The following TAFA3 variants were observed in gnomAD, a reference collection of about 807,000 sequenced individuals.
The protein encoded by TAFA3 is TAFA chemokine like family member 3.
A neutral mutation model predicts 20.7 loss-of-function variants in TAFA3; 17 were observed. That is an observed-to-expected ratio of 0.82 (90% CI 0.56 to 1.23). TAFA3 has a LOEUF of 1.23. Ranked by LOEUF, TAFA3 falls within the 50% of genes most tolerant of loss-of-function variation. The probability of loss-of-function intolerance (pLI) is 0.00; values close to 1 mark genes in which losing one functional copy is unlikely to be tolerated. For missense variants in TAFA3, 174 were observed against 172.8 expected, an observed-to-expected ratio of 1.01 and a Z score of -0.04; for synonymous variants, 74 against 71.8, an observed-to-expected ratio of 1.03 and a Z score of -0.16.
chr1:112,722,721 C>T (rs967771103), intron 3 of TAFA3, among the ~76,000 whole-genome samples: 2 of 152,218 alleles, frequency 1.3e-5, no homozygotes, highest in African/African-American at 4.8e-5. Flanking sequence ...CCCTGGGGCC[C>T]TTGCCCTCAC....
At position 112,722,228 on chromosome 1, in the gene TAFA3, C is replaced by G; in HGVS notation, c.-1-5C>G. On this transcript the variant is annotated splice_region_variant and splice_polypyrimidine_tract_variant and intron_variant, in intron 2 of 5. Transcript: ENST00000361886. ...GCTGAGCAGAATGTGTGCTTCTCTC[C>G]GCAGGATGAGTGAGAGGGTCGAGCG... 6.2e-7 allele frequency: 1 copy of G among 1,613,918 alleles called. No individual in the cohort carries two copies. The highest frequency in any genetic ancestry group is 8.5e-7 in the Non-Finnish European group (1 of 1,179,876).
chr1:112,726,830 T>C lies in TAFA3; in HGVS notation c.*190T>C, dbSNP rs190717142. The C allele has an allele frequency of 1.8e-5, 14 of 796,594 alleles. No homozygotes were observed. The African/African-American group carries it at 2.2e-4, about 13-fold the overall frequency. The allele number at this position is 796,594 out of a possible 1,614,324, so 49.3% of individuals were successfully genotyped here. ...GATGGATCTGCAATCACATACCTAA[T>C]GTGGAGCTGGGCTTTTCTGGAGACA... On this transcript the variant is annotated 3_prime_UTR_variant, in exon 6 of 6. Coordinates refer to ENST00000361886, the MANE Select transcript of TAFA3 (RefSeq NM_182759.3).
chr1:112,722,000 G>C (rs1436228413), intron 2 of TAFA3, among the ~76,000 whole-genome samples: 1 of 152,176 alleles, frequency 6.6e-6, no homozygotes, highest in Non-Finnish European at 1.5e-5. Flanking sequence ...CCCATAGCTA[G>C]TTCATCCTCC....
intron 5 of TAFA3, 142 bp from the exon 6 acceptor site, chr1:112,726,487 C>T (rs1394152078): frequency 1.2e-6 from 1 of 814,260 alleles, no homozygotes; most frequent in Non-Finnish European, 2.0e-6. Flanking sequence ...CCAGGCCATG[C>T]TTTCCCATTC....
chr1:112,724,560 C>T (rs1311226802), intron 5 of TAFA3, among the ~76,000 whole-genome samples: 1 of 139,428 alleles, frequency 7.2e-6, no homozygotes, highest in Non-Finnish European at 1.5e-5. Context: ...CGCATATTCT[C>T]ACTCATAGGT....
rs142239254 is a variant in TAFA3 at position 112,723,158 on chromosome 1, C to T, written c.258C>T (p.Cys86=). ...VAGTTRAKPS[C]VDASIVLQRW... is the part of the protein sequence containing the mutation. ...GCACCACGCGGGCAAAGCCCTCCTGCGTGGACGGTGAGTGAGAGGCCAGGA... is the reference window on the plus strand; with the variant it reads ...GCACCACGCGGGCAAAGCCCTCCTGTGTGGACGGTGAGTGAGAGGCCAGGA... Residue 86 remains cysteine, a synonymous_variant, in exon 4 of 6, where the codon TGC becomes TGT. Coordinates refer to ENST00000361886, the MANE Select transcript of TAFA3 (RefSeq NM_182759.3). 288 of 1,612,574 alleles carry T rather than the reference C, an allele frequency of 1.8e-4. 2 individuals carry two copies. In the African/African-American group the frequency reaches 3.2e-3, roughly 18 times the overall value.
At chr1:112,722,499 C>G in intron 3 of TAFA3, 151 bp downstream of exon 3, 1 of 677,548 alleles carries the variant, frequency 1.5e-6, no homozygotes. Flanking sequence ...CTGCTCTTTA[C>G]CCAGGAATCT....
chr1:112,719,295 A>C lies in TAFA3; in HGVS notation c.-64A>C, dbSNP rs897705650. On this transcript the variant is annotated 5_prime_UTR_variant, in exon 1 of 6. Coordinates refer to ENST00000361886, the MANE Select transcript of TAFA3 (RefSeq NM_182759.3). ...ATCGAACCAGTGGGCATCACCGTGG[A>C]CCAGGTAGGTCCCAGGTGTGGGGGC... Among the ~76,000 whole-genome samples, 1 of 152,176 alleles carries C rather than the reference A, an allele frequency of 6.6e-6. No homozygotes were observed. Among genetic ancestry groups the C allele is most frequent in the Non-Finnish European group, 1.5e-5 (1 of 68,024 alleles).
rs1272696539 is a variant in TAFA3 at position 112,722,147 on chromosome 1, CCA to C, written c.-1-85_-1-84del. ...TGCCTCCTCCCCATCTTTGTGCCTC[CCA>C]GAGTGTGTGGCACAGAGAAGGTGCC... On this transcript the variant is annotated intron_variant, in intron 2 of 5. Coordinates refer to ENST00000361886, the MANE Select transcript of TAFA3 (RefSeq NM_182759.3). 45 of 1,398,182 alleles carry C rather than the reference CCA, an allele frequency of 3.2e-5. No homozygotes were observed. The Admixed American group carries it at 3.3e-4, about 10-fold the overall frequency. The allele number at this position is 1,398,182 out of a possible 1,614,324, so 86.6% of individuals were successfully genotyped here.
chr1:112,722,861 G>A (rs1218077659), intron 3 of TAFA3, among the ~76,000 whole-genome samples, 155 bp from the exon 4 acceptor site: 6 of 152,016 alleles, frequency 3.9e-5, no homozygotes, highest in Admixed American at 3.9e-4. Flanking sequence ...GTGAAGCGGC[G>A]GGAAGATTTC....
chr1:112,722,121 G>A, intron 2 of TAFA3, 112 bp from the exon 3 acceptor site: 1 of 1,065,392 alleles, frequency 9.4e-7, no homozygotes, highest in South Asian at 1.4e-5. Flanking sequence ...GGGACAAGGT[G>A]TGCCTCCTCC....
At chr1:112,724,300 C>T (rs1675406406) in intron 5 of TAFA3, among the ~76,000 whole-genome samples, 163 bp downstream of exon 5, 1 of 151,990 alleles carries the variant, frequency 6.6e-6, no homozygotes, top group Non-Finnish European at 1.5e-5. Context: ...TCACTGGGGA[C>T]TGGAGTTAGG....
At chr1:112,722,974 G>A in intron 3 of TAFA3, 42 bp from the exon 4 acceptor site, 1 of 1,573,982 alleles carries the variant, frequency 6.4e-7, no homozygotes, top group Non-Finnish European at 8.6e-7. Context: ...AGGGAGCGGG[G>A]TCGGGCGTGT....
intron 1 of TAFA3, among the ~76,000 whole-genome samples, chr1:112,720,259 C>T (rs116390798): frequency 0.018 from 2,791 of 152,142 alleles, 94 homozygotes; most frequent in African/African-American, 0.064. Flanking sequence ...CTCCCAAGGC[C>T]AGAGAGATGA....
At chr1:112,719,886 C>T (rs1323207647) in intron 1 of TAFA3, among the ~76,000 whole-genome samples, 2 of 152,272 alleles carry the variant, frequency 1.3e-5, no homozygotes, top group South Asian at 4.1e-4. Flanking sequence ...TCCCCTTATG[C>T]TCTCGCTCCT....
rs746832576 is a variant in TAFA3, at chr1:112,724,153, A to C, written c.390+16A>C. The C allele has an allele frequency of 6.4e-7, 1 of 1,562,512 alleles. No individual in the cohort carries two copies. Reference sequence around the variant, plus strand: ...AACCACCAAGGTACCCTGGGTGGGCACCTCATCCCACCCTCCCCTTCCCTC... The same window carrying C: ...AACCACCAAGGTACCCTGGGTGGGCCCCTCATCCCACCCTCCCCTTCCCTC... On this transcript the variant is annotated intron_variant, in intron 5 of 5. Transcript: ENST00000361886.
At position 112,719,210 on chromosome 1, in the gene TAFA3, A is replaced by C. The variant is rs1413912608; in HGVS notation, c.-149A>C. 6.6e-6 allele frequency among the ~76,000 whole-genome samples: 1 copy of C among 152,218 alleles called. No individual in the cohort carries two copies. The highest frequency in any genetic ancestry group is 2.4e-5 in the African/African-American group (1 of 41,466). ...ACCCAAGCTGGCCGCTCCCTCCCAA[A>C]GTCTGTCTTTCGGAGTGCTGGTCCC... On this transcript the variant is annotated 5_prime_UTR_variant, in exon 1 of 6. Transcript: ENST00000361886.
chr1:112,720,148 T>C (rs1250128809), intron 1 of TAFA3, among the ~76,000 whole-genome samples: 2 of 151,846 alleles, frequency 1.3e-5, no homozygotes, highest in Admixed American at 1.3e-4. Flanking sequence ...CCATAGTGGG[T>C]AGGAGGTGGA....
intron 4 of TAFA3, among the ~76,000 whole-genome samples, chr1:112,723,725 A>G (rs545434983): frequency 1.3e-5 from 2 of 152,272 alleles, no homozygotes; most frequent in East Asian, 1.9e-4. Context: ...CTGGTTGTGC[A>G]TCGATGCTAG....
Sources: allele counts gnomAD v4.1 joint callset (sites outside exome capture counted in the v4.1 genomes callset), GRCh38; gene constraint gnomAD v4.1.1; transcripts MANE v1.5; gene names NCBI Gene and HGNC (gene_info 2026-07-23, HGNC 2026-07-21).